Variants in PROS1 observed in about 807,000 individuals in gnomAD.
PROS1 encodes the protein vitamin K-dependent protein S.
PROS1 carries 29 observed loss-of-function variants against 75.9 expected under a neutral mutation model. The ratio of observed to expected loss-of-function variants is 0.38; its 90% CI spans 0.28 to 0.52. The LOEUF is 0.52. Among genes scored for constraint, PROS1 ranks in the 20% least tolerant of loss-of-function variants. PROS1 has a pLI of 0.83. For synonymous variants in PROS1, 245 were observed against 280.6 expected, an observed-to-expected ratio of 0.87 and a Z score of 1.27; for missense variants, 680 against 810.3, an observed-to-expected ratio of 0.84 and a Z score of 1.95.
chr3:93,892,754 T>C (rs1708451585), intron 10 of PROS1, among the ~76,000 whole-genome samples, 179 bp downstream of exon 10: 1 of 152,138 alleles, frequency 6.6e-6, no homozygotes, highest in South Asian at 2.1e-4. Flanking sequence ...GATTCTAATA[T>C]ATTAAGTGAG....
At chr3:93,909,787 AT>A (rs1361754594) in intron 4 of PROS1, among the ~76,000 whole-genome samples, 2 of 152,080 alleles carry the variant, frequency 1.3e-5, no homozygotes, top group South Asian at 4.2e-4. Flanking sequence ...TAATTCCATA[AT>A]TTTTTAAAAA....
At chr3:93,959,300 C>T (rs1176620426) in intron 1 of PROS1, among the ~76,000 whole-genome samples, 1 of 151,938 alleles carries the variant, frequency 6.6e-6, no homozygotes, top group African/African-American at 2.4e-5. Flanking sequence ...GGGGACAGAG[C>T]AAGACTCTTT....
intron 1 of PROS1, among the ~76,000 whole-genome samples, chr3:93,929,868 T>C (rs1709078963): frequency 2.0e-5 from 3 of 152,230 alleles, no homozygotes; most frequent in Non-Finnish European, 2.9e-5. Context: ...CACAAATGGT[T>C]CTTTCACTAA....
At chr3:93,971,993 G>A (rs1023231437) in intron 1 of PROS1, among the ~76,000 whole-genome samples, 2 of 152,044 alleles carry the variant, frequency 1.3e-5, no homozygotes, top group African/African-American at 4.8e-5. Context: ...TAATTTATCT[G>A]CTCTATCAGT....
intron 1 of PROS1, among the ~76,000 whole-genome samples, chr3:93,930,105 A>G (rs1425327969): frequency 6.6e-5 from 10 of 152,246 alleles, no homozygotes. Flanking sequence ...AGAGGTTTAA[A>G]TGTAATGGAT....
chr3:93,908,693 G>A (rs542872263), intron 4 of PROS1, among the ~76,000 whole-genome samples: 1 of 152,314 alleles, frequency 6.6e-6, no homozygotes, highest in South Asian at 2.1e-4. Flanking sequence ...ATGGCATCAG[G>A]TGGAATCCTC....
At chr3:93,956,052 A>G (rs1175956975) in intron 1 of PROS1, among the ~76,000 whole-genome samples, 2 of 152,178 alleles carry the variant, frequency 1.3e-5, no homozygotes, top group African/African-American at 4.8e-5. Flanking sequence ...TAATCAGAAG[A>G]AAGTTTCCAT....
At chr3:93,967,231 C>T (rs1220002828) in intron 1 of PROS1, among the ~76,000 whole-genome samples, 1 of 152,156 alleles carries the variant, frequency 6.6e-6, no homozygotes, top group Admixed American at 6.5e-5. Context: ...ATAGTTCAAT[C>T]AGATTATCCG....
At chr3:93,925,821 T>TA (rs35893198) in intron 2 of PROS1, among the ~76,000 whole-genome samples, 38,221 of 107,346 alleles carry the variant, frequency 0.36, 7,378 homozygotes, top group East Asian at 0.51. Flanking sequence ...AGACCCTGTC[T>TA]AAAAAAAAAA....
At chr3:93,963,935 T>G (rs534186562) in intron 1 of PROS1, among the ~76,000 whole-genome samples, 114 of 152,276 alleles carry the variant, frequency 7.5e-4, no homozygotes, top group African/African-American at 2.7e-3. Flanking sequence ...TCAGGGACCC[T>G]GAATGGAGGG....
intron 1 of PROS1, among the ~76,000 whole-genome samples, chr3:93,934,037 A>G (rs1576202168): frequency 6.9e-6 from 1 of 144,138 alleles, no homozygotes; most frequent in East Asian, 2.0e-4. Context: ...AAATTTAACC[A>G]GGAGTGGTGG....
intron 1 of PROS1, among the ~76,000 whole-genome samples, chr3:93,960,812 A>C (rs1196771464): frequency 6.6e-6 from 1 of 151,852 alleles, no homozygotes; most frequent in Non-Finnish European, 1.5e-5. Context: ...GTTATTCAAT[A>C]ATGTGCTTGT....
chr3:93,884,830 T>C lies in PROS1; in HGVS notation c.1390A>G (p.Lys464Glu). 1 of 1,613,752 alleles carries C rather than the reference T, an allele frequency of 6.2e-7. No homozygotes were observed. Among genetic ancestry groups the C allele is most frequent in the South Asian group, 1.1e-5 (1 of 91,012 alleles). The change falls in exon 12 of 15, where the codon AAG (lysine) becomes GAG (glutamate). Residue 464 changes from lysine (K) to glutamate (E), a missense_variant. Transcript: ENST00000394236. The part of the protein sequence containing the change: ...NLMKQGASGI[K>E]EIIQEKQNKH... ...TTTTGTTTTTCTTGAATAATTTCCT[T>C]TATTCCAGAAGCTCCTTGCTTCATC...
In PROS1 at chr3:93,971,382, A is replaced by AATAAATAT. The variant is rs1553821383; in HGVS notation, c.76+2291_76+2292insATATTTAT. Among the ~76,000 whole-genome samples the AATAAATAT allele has an allele frequency of 2.0e-5, 3 of 149,032 alleles. No individual in the cohort carries two copies. The East Asian group carries it at 5.8e-4, about 29-fold the overall frequency. ...AAATAAATAAATAAATAAATAAATA[A>AATAAATAT]ATAAATAAATAAATAAATAATTCTA... On this transcript the variant is annotated intron_variant, in intron 1 of 14. Coordinates refer to ENST00000394236, the MANE Select transcript of PROS1 (RefSeq NM_000313.4).
At chr3:93,956,836 G>A (rs942327908) in intron 1 of PROS1, among the ~76,000 whole-genome samples, 4 of 152,054 alleles carry the variant, frequency 2.6e-5, no homozygotes, top group Admixed American at 2.6e-4. Context: ...TGAAGTTAAT[G>A]TCCAACTTTG....
At chr3:93,917,918 C>T (rs929441152) in intron 3 of PROS1, among the ~76,000 whole-genome samples, 1 of 152,136 alleles carries the variant, frequency 6.6e-6, no homozygotes, top group African/African-American at 2.4e-5. Context: ...AGCCCCACCC[C>T]CTGCTCCAGG....
At chr3:93,961,597 T>C (rs1332324913) in intron 1 of PROS1, among the ~76,000 whole-genome samples, 1 of 152,240 alleles carries the variant, frequency 6.6e-6, no homozygotes, top group Non-Finnish European at 1.5e-5. Flanking sequence ...GATTTGTGCC[T>C]GGACTTTTGA....
chr3:93,948,761 G>A (rs550561240), intron 1 of PROS1, among the ~76,000 whole-genome samples: 41 of 152,010 alleles, frequency 2.7e-4, no homozygotes, highest in South Asian at 1.3e-3. Context: ...TGTTTTATGC[G>A]TGCCAGATCT....
chr3:93,903,501 C>G (rs1349138577), intron 6 of PROS1, among the ~76,000 whole-genome samples: 1 of 151,998 alleles, frequency 6.6e-6, no homozygotes, highest in African/African-American at 2.4e-5. Context: ...CCATCTGTCT[C>G]TGTACAAAAG....
Sources: gnomAD v4.1 joint callset for allele counts (sites outside exome capture counted in the v4.1 genomes callset) on GRCh38, gnomAD v4.1.1 for gene constraint, MANE v1.5 for transcripts, NCBI Gene and HGNC (gene_info 2026-07-23, HGNC 2026-07-21) for gene names.